The following VGLL4 variants were observed in gnomAD, a reference collection of about 807,000 sequenced individuals.
The protein encoded by VGLL4 is transcription cofactor vestigial-like protein 4.
Under a neutral mutation model 21.0 loss-of-function variants are expected in VGLL4, and 7 were observed. The observed-to-expected ratio is 0.33, with a 90% CI of 0.19 to 0.63. The LOEUF (loss-of-function observed/expected upper bound fraction) is 0.63, where lower values mean the gene tolerates loss of function less well. VGLL4 is among the 20% of genes least tolerant of loss of function. VGLL4 has a pLI of 0.78. For missense variants in VGLL4, 394 were observed against 425.7 expected, an observed-to-expected ratio of 0.93 and a Z score of 0.66; for synonymous variants, 222 against 173.2, an observed-to-expected ratio of 1.28 and a Z score of -2.21.
intron 2 of VGLL4, among the ~76,000 whole-genome samples, chr3:11,668,544 G>T (rs1427399583): frequency 6.6e-6 from 1 of 152,082 alleles, no homozygotes; most frequent in Non-Finnish European, 1.5e-5. Context: ...CTGGGTAAAC[G>T]TTTGAGAAGG....
In VGLL4 at chr3:11,557,069, T is replaced by G. The variant is rs1357104917; in HGVS notation, c.*1487A>C. ...GTGAGGTGACCACGCCCACGTCACC[T>G]GGTCAGGTGCCATCGTCGTGAGCCT... On this transcript the variant is annotated 3_prime_UTR_variant, in exon 5 of 5. Transcript: ENST00000430365. 6.6e-6 allele frequency: 1 copy of G among 152,450 alleles called. No individual in the cohort carries two copies. Among genetic ancestry groups the G allele is most frequent in the Admixed American group, 6.5e-5 (1 of 15,276 alleles). 9.4% of individuals were successfully genotyped at this position (152,450 alleles called of 1,614,324 possible).
chr3:11,602,151 G>A (rs2074821001), intron 1 of VGLL4, 129 bp from the exon 2 acceptor site: 14 of 773,854 alleles, frequency 1.8e-5, no homozygotes, highest in Middle Eastern at 7.6e-4. Context: ...GCAATGGGAC[G>A]GGGCCGCCTG....
At chr3:11,558,951 C>T in intron 4 of VGLL4, 124 bp from the exon 5 acceptor site, 3 of 1,169,986 alleles carry the variant, frequency 2.6e-6, no homozygotes, top group Non-Finnish European at 2.4e-6. Context: ...GTGGGCTCTG[C>T]AGACAGAACC....
At chr3:11,647,363 T>C (rs1226337863), upstream of VGLL4, among the ~76,000 whole-genome samples, 1 of 152,116 alleles carries the variant, frequency 6.6e-6, no homozygotes, top group Non-Finnish European at 1.5e-5. Context: ...AAAGCCCCTC[T>C]TGTCCTGTGA....
intron 1 of VGLL4, among the ~76,000 whole-genome samples, chr3:11,641,158 T>G (rs1331107516): frequency 1.3e-5 from 2 of 151,924 alleles, no homozygotes; most frequent in African/African-American, 4.8e-5. Flanking sequence ...CATGGTTTAT[T>G]TTAGAGTAGA....
intron 1 of VGLL4, among the ~76,000 whole-genome samples, chr3:11,621,778 C>A (rs1354267849): frequency 6.6e-6 from 1 of 152,168 alleles, no homozygotes; most frequent in Non-Finnish European, 1.5e-5. Flanking sequence ...TACATTCCCA[C>A]CAGCAACGTA....
intron 1 of VGLL4, among the ~76,000 whole-genome samples, chr3:11,709,446 A>AG (rs1467265183): frequency 1.0e-5 from 1 of 97,096 alleles, no homozygotes; most frequent in Non-Finnish European, 2.1e-5. Flanking sequence ...AAAAAAAAAA[A>AG]AAAAAAAAAA....
At position 11,710,203 on chromosome 3, in the gene VGLL4, A is replaced by C. The variant is rs558938039; in HGVS notation, c.-13-7156T>G. Among the ~76,000 whole-genome samples the C allele has an allele frequency of 2.0e-5, 3 of 152,334 alleles. No homozygotes were observed. In the South Asian group the frequency reaches 6.2e-4, roughly 32 times the overall value. ...ACCTCTCCCACCAGGACCCACCTCC[A>C]ACATTGAGGATCACATTTCCACATA... On this transcript the variant is annotated intron_variant, in intron 1 of 5. Transcript: ENST00000273038.
At chr3:11,692,576 C>A (rs1395430097) in intron 2 of VGLL4, among the ~76,000 whole-genome samples, 1 of 152,182 alleles carries the variant, frequency 6.6e-6, no homozygotes, top group African/African-American at 2.4e-5. Context: ...ATGGTCCAGT[C>A]AGAGGAGGAG....
intron 2 of VGLL4, 41 bp downstream of exon 2, chr3:11,601,792 A>G: frequency 2.5e-6 from 4 of 1,608,258 alleles, no homozygotes; most frequent in Non-Finnish European, 3.4e-6. Context: ...AGGCCCCAGC[A>G]CGGAGCACCC....
intron 1 of VGLL4, among the ~76,000 whole-genome samples, chr3:11,623,835 G>C (rs13098543): frequency 0.4 from 60,391 of 151,288 alleles, 13,688 homozygotes; most frequent in Non-Finnish European, 0.53. Context: ...CAACCTCCCA[G>C]GCTCAAGTGA....
intron 1 of VGLL4, among the ~76,000 whole-genome samples, chr3:11,629,548 G>A (rs1216272828): frequency 6.6e-6 from 1 of 151,990 alleles, no homozygotes; most frequent in Non-Finnish European, 1.5e-5. Flanking sequence ...CCTGAGGTCA[G>A]GAGTTCAAGA....
At chr3:11,666,025 C>A (rs906964977) in intron 2 of VGLL4, among the ~76,000 whole-genome samples, 1 of 151,908 alleles carries the variant, frequency 6.6e-6, no homozygotes, top group Admixed American at 6.6e-5. Flanking sequence ...CCGAGGCGGG[C>A]GGATCACGAG....
chr3:11,620,662 C>G (rs115612071), intron 1 of VGLL4, among the ~76,000 whole-genome samples: 22 of 152,210 alleles, frequency 1.4e-4, no homozygotes, highest in Admixed American at 1.2e-3. Flanking sequence ...AATTTGGGAG[C>G]CAATGACAAC....
At chr3:11,690,948 C>CA (rs1158582447) in intron 2 of VGLL4, among the ~76,000 whole-genome samples, 25 of 151,790 alleles carry the variant, frequency 1.6e-4, no homozygotes, top group Admixed American at 1.5e-3. Flanking sequence ...TTTAAGAAAG[C>CA]AAAAGAGTAT....
chr3:11,601,434 C>G (rs995722383), intron 2 of VGLL4, among the ~76,000 whole-genome samples: 1 of 152,178 alleles, frequency 6.6e-6, no homozygotes, highest in Admixed American at 6.5e-5. Context: ...CAAAAAGGTG[C>G]TGAGCTTCCC....
Position 11,565,156 on chromosome 3 carries a change from G to A in VGLL4, c.273-137C>T. On this transcript the variant is annotated intron_variant, in intron 2 of 4. Coordinates refer to ENST00000430365, the MANE Select transcript of VGLL4 (RefSeq NM_001128219.3). The surrounding 1 kb of genome is among the most constrained non-coding windows in gnomAD (Gnocchi z 4.1). The stretch of plus-strand genomic sequence containing the variant: ...GTCGTGTGGCTGGGCAGCACGATGA[G>A]GAGCCGGTTGCCAGCCCGGGTCAGC... The A allele has an allele frequency of 1.1e-6, 1 of 897,220 alleles. No homozygotes were observed. Among genetic ancestry groups the A allele is most frequent in the Non-Finnish European group, 1.5e-6 (1 of 655,758 alleles). 55.6% of individuals were successfully genotyped at this position (897,220 alleles called of 1,614,324 possible).
At chr3:11,642,799 T>C (rs1036848510) in intron 1 of VGLL4, among the ~76,000 whole-genome samples, 4 of 152,112 alleles carry the variant, frequency 2.6e-5, no homozygotes, top group Non-Finnish European at 5.9e-5. Flanking sequence ...GGGTGTTGTG[T>C]AATCGCTCCC....
chr3:11,609,194 T>A (rs2075008440), intron 1 of VGLL4, among the ~76,000 whole-genome samples: 1 of 152,128 alleles, frequency 6.6e-6, no homozygotes, highest in South Asian at 2.1e-4. Context: ...ACTCACAAAA[T>A]TAAGTGGTTT....
Sources: allele counts gnomAD v4.1 joint callset (sites outside exome capture counted in the v4.1 genomes callset), GRCh38; gene constraint gnomAD v4.1.1; non-coding constraint Gnocchi (gnomAD v3.1); transcripts MANE v1.5; gene names NCBI Gene and HGNC (gene_info 2026-07-23, HGNC 2026-07-21).